Variants in VPS50 observed in about 807,000 individuals in gnomAD.
VPS50 encodes the protein syndetin.
A neutral mutation model predicts 139.7 loss-of-function variants in VPS50; 70 were observed. The observed-to-expected ratio is 0.50, with a 90% CI of 0.41 to 0.61. The LOEUF is 0.61. Ranked by LOEUF, VPS50 falls within the 20% of genes least tolerant of loss-of-function variation. The pLI is 0.00. For synonymous variants in VPS50, 365 were observed against 376.7 expected, an observed-to-expected ratio of 0.97 and a Z score of 0.36; for missense variants, 921 against 1,133.7, an observed-to-expected ratio of 0.81 and a Z score of 2.69.
chr7:93,271,506 T>G (rs1488387935), intron 10 of VPS50, among the ~76,000 whole-genome samples: 1 of 151,766 alleles, frequency 6.6e-6, no homozygotes, highest in Admixed American at 6.6e-5. Context: ...TCCAAACTAT[T>G]AGTCATAGGT....
chr7:93,324,409 A>T (rs1434191314), intron 21 of VPS50, among the ~76,000 whole-genome samples: 1 of 152,152 alleles, frequency 6.6e-6, no homozygotes, highest in Non-Finnish European at 1.5e-5. Context: ...ATTAAGTATG[A>T]TATTGGCTGT....
chr7:93,246,467 A>T (rs1011059222), intron 2 of VPS50, among the ~76,000 whole-genome samples: 6 of 151,796 alleles, frequency 4.0e-5, no homozygotes, highest in Non-Finnish European at 8.8e-5. Flanking sequence ...AGAGTTTTGA[A>T]ATCTGACCTG....
chr7:93,256,405 G>T, intron 4 of VPS50, 104 bp from the exon 5 acceptor site: 1 of 543,536 alleles, frequency 1.8e-6, no homozygotes. Flanking sequence ...CAAAGTTATT[G>T]GGGAGATCTA....
At position 93,268,014 on chromosome 7, in the gene VPS50, C is replaced by T. The variant is rs546631771; in HGVS notation, c.660-3206C>T. On this transcript the variant is annotated intron_variant, in intron 9 of 27. Transcript: ENST00000305866. ...TTATTTTTGCTTTACTTAAGAGCTG[C>T]GCTCAGATGTCTTTAGGGACCAGGC... is the stretch of plus-strand genomic sequence containing the variant. 2.0e-3 allele frequency among the ~76,000 whole-genome samples: 307 copies of T among 152,234 alleles called. 3 individuals are homozygous for T. The highest frequency in any genetic ancestry group is 1.1e-3 in the Admixed American group (17 of 15,286).
At chr7:93,313,738 G>C (rs1797338706) in intron 20 of VPS50, among the ~76,000 whole-genome samples, 1 of 139,208 alleles carries the variant, frequency 7.2e-6, no homozygotes, top group Non-Finnish European at 1.5e-5. Flanking sequence ...TAGGAACTGA[G>C]AAAAGCCACA....
chr7:93,348,819 T>C lies in VPS50; in HGVS notation c.2304+12T>C. The stretch of plus-strand genomic sequence containing the variant: ...AGTTCTATTCTCAGGTCAGACATGG[T>C]CTTGTATGTCATTTCAACTGTGAGG... On this transcript the variant is annotated intron_variant, in intron 24 of 27. Transcript: ENST00000305866. 3 of 1,528,418 alleles carry C rather than the reference T, an allele frequency of 2.0e-6. No homozygotes were observed. Among genetic ancestry groups the C allele is most frequent in the Middle Eastern group, 1.7e-4 (1 of 5,884 alleles). The allele number at this position is 1,528,418 out of a possible 1,614,324, so 94.7% of individuals were successfully genotyped here. A position where few individuals can be genotyped will look rare whatever the true frequency, so the allele number is the denominator to read the frequency against.
intron 23 of VPS50, among the ~76,000 whole-genome samples, chr7:93,342,923 C>T (rs1293575741): frequency 2.6e-5 from 4 of 152,276 alleles, no homozygotes; most frequent in Non-Finnish European, 4.4e-5. Flanking sequence ...AAAAGCACAG[C>T]ACCTCTCCTC....
Position 93,296,908 on chromosome 7 carries a change from TATC to T in VPS50, c.1262+76_1262+78del, listed in dbSNP as rs1271717894. 1.9e-5 allele frequency: 28 copies of T among 1,496,290 alleles called. No individual in the cohort carries two copies. In the East Asian group the frequency reaches 4.3e-4, roughly 23 times the overall value. 92.7% of individuals were successfully genotyped at this position (1,496,290 alleles called of 1,614,324 possible). On this transcript the variant is annotated intron_variant, in intron 15 of 27. Transcript: ENST00000305866. ...CATGATAAATCATGAGCTAGTGAGTTATCATCTATAACTTCTTTATGGAAATGA... is the reference window on the plus strand; with the variant it reads ...CATGATAAATCATGAGCTAGTGAGTTATCTATAACTTCTTTATGGAAATGA...
At chr7:93,236,417 TA>T (rs1177280544) in intron 1 of VPS50, among the ~76,000 whole-genome samples, 1 of 152,230 alleles carries the variant, frequency 6.6e-6, no homozygotes, top group Non-Finnish European at 1.5e-5. Flanking sequence ...TTTGGATGGA[TA>T]AGACATAGTT....
Position 93,323,678 on chromosome 7 carries a change from A to G in VPS50, c.1923A>G (p.Gln641=), listed in dbSNP as rs766928924. Residue 641 remains glutamine, a synonymous_variant, in exon 21 of 28, where the codon CAA becomes CAG. Coordinates refer to ENST00000305866, the MANE Select transcript of VPS50 (RefSeq NM_017667.4). Reference sequence around the variant, plus strand: ...TTGATGTTATTCATTTCATGTCTCAACTATTTGATTATTACTTGTATGCAA... The same window carrying G: ...TTGATGTTATTCATTTCATGTCTCAGCTATTTGATTATTACTTGTATGCAA... ...IAFDVIHFMS[Q]LFDYYLYAIY... is the part of the protein sequence containing the mutation. The G allele has an allele frequency of 2.1e-6, 3 of 1,402,384 alleles. No individual in the cohort carries two copies. Among genetic ancestry groups the G allele is most frequent in the South Asian group, 1.5e-5 (1 of 68,640 alleles). 86.9% of individuals were successfully genotyped at this position (1,402,384 alleles called of 1,614,324 possible).
intron 2 of VPS50, among the ~76,000 whole-genome samples, chr7:93,249,538 G>C (rs1795256878): frequency 6.6e-6 from 1 of 152,118 alleles, no homozygotes; most frequent in Admixed American, 6.6e-5. Flanking sequence ...AATTGTTGCA[G>C]TCTATTTGAA....
intron 21 of VPS50, among the ~76,000 whole-genome samples, chr7:93,328,060 C>T (rs1797832195): frequency 6.6e-6 from 1 of 152,156 alleles, no homozygotes; most frequent in African/African-American, 2.4e-5. Flanking sequence ...CCAGAAACTC[C>T]TGCTATTCAC....
At chr7:93,309,408 A>T (rs904568640) in intron 19 of VPS50, among the ~76,000 whole-genome samples, 6 of 151,998 alleles carry the variant, frequency 3.9e-5, no homozygotes, top group Admixed American at 3.9e-4. Flanking sequence ...ATCTGTTAAA[A>T]TTACTTTATT....
chr7:93,272,891 A>G, intron 11 of VPS50, 158 bp downstream of exon 11: 1 of 502,926 alleles, frequency 2.0e-6, no homozygotes, highest in Non-Finnish European at 3.5e-6. Context: ...TTGTTCTTGT[A>G]GACTCAGAGG....
At chr7:93,325,141 G>A (rs549611798) in intron 21 of VPS50, among the ~76,000 whole-genome samples, 18 of 152,160 alleles carry the variant, frequency 1.2e-4, no homozygotes, top group South Asian at 8.3e-4. Flanking sequence ...AAAAAACGCC[G>A]CATATCTACA....
At chr7:93,239,307 T>C (rs1794910861) in intron 1 of VPS50, among the ~76,000 whole-genome samples, 1 of 152,148 alleles carries the variant, frequency 6.6e-6, no homozygotes. Flanking sequence ...GATGTGAATA[T>C]AGAAAGTACA....
chr7:93,262,635 A>G (rs1402255383), intron 9 of VPS50, among the ~76,000 whole-genome samples: 2 of 152,200 alleles, frequency 1.3e-5, no homozygotes, highest in Non-Finnish European at 2.9e-5. Flanking sequence ...TACTTTAGGT[A>G]TCTTAGGAAA....
intron 12 of VPS50, among the ~76,000 whole-genome samples, chr7:93,277,645 A>G (rs1286511297): frequency 6.6e-6 from 1 of 152,190 alleles, no homozygotes; most frequent in Non-Finnish European, 1.5e-5. Context: ...CAGTGGATGT[A>G]TGTTAATACG....
chr7:93,321,408 T>C (rs780707200), intron 20 of VPS50, among the ~76,000 whole-genome samples: 1 of 152,188 alleles, frequency 6.6e-6, no homozygotes, highest in African/African-American at 2.4e-5. Flanking sequence ...GCTGTCTGCC[T>C]GTTCTGTCCT....
Sources: allele counts gnomAD v4.1 joint callset (sites outside exome capture counted in the v4.1 genomes callset), GRCh38; gene constraint gnomAD v4.1.1; transcripts MANE v1.5; gene names NCBI Gene and HGNC (gene_info 2026-07-23, HGNC 2026-07-21).